The following KLHL24 variants were observed in gnomAD, a reference collection of about 807,000 sequenced individuals.
KLHL24 encodes kelch-like protein 24.
Under a neutral mutation model 53.4 loss-of-function variants are expected in KLHL24, and 29 were observed. That is an observed-to-expected ratio of 0.54 (90% CI 0.40 to 0.74). The LOEUF is 0.74. Ranked by LOEUF, KLHL24 falls within the 30% of genes least tolerant of loss-of-function variation. The pLI is 0.00. For synonymous variants in KLHL24, 222 were observed against 253.7 expected (o/e 0.88, Z 1.19); for missense variants, 504 against 744.0 (o/e 0.68, Z 3.75).
intron 2 of KLHL24, among the ~76,000 whole-genome samples, chr3:183,647,932 G>A (rs190568779): frequency 2.0e-4 from 30 of 152,236 alleles, no homozygotes; most frequent in Middle Eastern, 3.4e-3. Context: ...CTTGAACCCG[G>A]GAGGCAGAGG....
intron 4 of KLHL24, 44 bp from the exon 5 acceptor site, chr3:183,664,877 A>C: frequency 7.3e-6 from 8 of 1,091,812 alleles, no homozygotes; most frequent in African/African-American, 1.5e-5. Flanking sequence ...GGTGACAGCT[A>C]TATCATGATA....
chr3:183,655,139 C>T (rs1026068201), intron 3 of KLHL24, among the ~76,000 whole-genome samples: 1 of 152,182 alleles, frequency 6.6e-6, no homozygotes, highest in African/African-American at 2.4e-5. Context: ...CCTATATACC[C>T]ACGTGTCTCT....
At chr3:183,660,823 C>G (rs891021799) in intron 3 of KLHL24, among the ~76,000 whole-genome samples, 7 of 151,794 alleles carry the variant, frequency 4.6e-5, no homozygotes, top group Admixed American at 2.0e-4. Context: ...TTTGGGAGGC[C>G]GAGGCGGGTG....
intron 2 of KLHL24, among the ~76,000 whole-genome samples, chr3:183,648,317 C>T (rs570846806): frequency 6.2e-4 from 94 of 152,184 alleles, no homozygotes; most frequent in African/African-American, 2.1e-3. Context: ...TTTGATGTTA[C>T]GTATTTTATT....
chr3:183,644,115 A>ACGGCAAC (rs1553832590), intron 2 of KLHL24: 2 of 130,008 alleles, frequency 1.5e-5, no homozygotes, highest in Non-Finnish European at 3.1e-5. Flanking sequence ...ATCTCGGCTC[A>ACGGCAAC]CTGCAACCTC....
intron 3 of KLHL24, among the ~76,000 whole-genome samples, chr3:183,652,647 T>G (rs1223815815): frequency 5.9e-5 from 9 of 152,236 alleles, no homozygotes; most frequent in African/African-American, 1.9e-4. Context: ...AAATTTTGAC[T>G]ATCATTGTTT....
intron 5 of KLHL24, among the ~76,000 whole-genome samples, chr3:183,669,284 A>G (rs895505040): frequency 5.9e-5 from 9 of 152,102 alleles, no homozygotes; most frequent in African/African-American, 1.9e-4. Context: ...GCCAGGAGGC[A>G]GACATTGCAG....
At chr3:183,638,930 G>C (rs1715830377) in intron 1 of KLHL24, among the ~76,000 whole-genome samples, 1 of 152,260 alleles carries the variant, frequency 6.6e-6, no homozygotes, top group Admixed American at 6.5e-5. Flanking sequence ...GCTGGGTGCG[G>C]TGGCTCACGC....
At chr3:183,657,229 G>A (rs1211080838) in intron 3 of KLHL24, among the ~76,000 whole-genome samples, 1 of 152,150 alleles carries the variant, frequency 6.6e-6, no homozygotes, top group Non-Finnish European at 1.5e-5. Flanking sequence ...AGGAAACAAG[G>A]ATGGCACTAA....
chr3:183,644,988 A>G (rs1211575403), intron 2 of KLHL24, among the ~76,000 whole-genome samples: 2 of 152,242 alleles, frequency 1.3e-5, no homozygotes, highest in Non-Finnish European at 2.9e-5. Flanking sequence ...TAATTGTATC[A>G]CTAGTCAAAG....
chr3:183,639,629 C>CAAAAAAAAA, intron 1 of KLHL24, among the ~76,000 whole-genome samples: 1 of 39,478 alleles, frequency 2.5e-5, no homozygotes, highest in Non-Finnish European at 5.0e-5. Flanking sequence ...GACTCTGTCT[C>CAAAAAAAAA]AAAAAAAAAA....
intron 5 of KLHL24, 118 bp from the exon 6 acceptor site, chr3:183,670,916 C>A: frequency 1.5e-6 from 1 of 687,176 alleles, no homozygotes. Flanking sequence ...AAATATATTG[C>A]AATTATATTT....
rs577145519 is a variant in KLHL24 at position 183,680,280 on chromosome 3, C to G, written c.*994C>G. ...GCACCCTAGCCTGGGCAACAGGTTGCGACACTGTCTCAAGAGAAAAGAAAA... is the reference window on the plus strand; with the variant it reads ...GCACCCTAGCCTGGGCAACAGGTTGGGACACTGTCTCAAGAGAAAAGAAAA... On this transcript the variant is annotated 3_prime_UTR_variant, in exon 8 of 8. Transcript: ENST00000242810. 6.6e-6 allele frequency: 1 copy of G among 152,170 alleles called. No individual in the cohort carries two copies. The highest frequency in any genetic ancestry group is 6.6e-5 in the Admixed American group (1 of 15,266). 9.4% of individuals were successfully genotyped at this position (152,170 alleles called of 1,614,324 possible). A position where few individuals can be genotyped will look rare whatever the true frequency, so the allele number is the denominator to read the frequency against.
chr3:183,642,602 CAA>C (rs377410456), intron 1 of KLHL24, among the ~76,000 whole-genome samples: 3 of 92,976 alleles, frequency 3.2e-5, no homozygotes, highest in Non-Finnish European at 2.5e-5. Flanking sequence ...CCCCTTCCAC[CAA>C]AAAAAAAAAA....
chr3:183,655,258 G>T (rs1576920270), intron 3 of KLHL24, among the ~76,000 whole-genome samples: 1 of 152,308 alleles, frequency 6.6e-6, no homozygotes, highest in Admixed American at 6.5e-5. Context: ...TTGATAATCT[G>T]CCCTGCCAGT....
At chr3:183,653,908 C>T (rs1479170544) in intron 3 of KLHL24, among the ~76,000 whole-genome samples, 2 of 152,146 alleles carry the variant, frequency 1.3e-5, no homozygotes, top group African/African-American at 2.4e-5. Context: ...ATTGCCACAA[C>T]ATGTTGGCAT....
chr3:183,675,965 C>A (rs1335027222), intron 7 of KLHL24, among the ~76,000 whole-genome samples: 1 of 152,086 alleles, frequency 6.6e-6, no homozygotes, highest in Non-Finnish European at 1.5e-5. Flanking sequence ...ACACACATGG[C>A]ACATTTTCTC....
Position 183,678,934 on chromosome 3 carries a change from AACAC to A in KLHL24, c.1603-150_1603-147del. 6 of 312,830 alleles carry A rather than the reference AACAC, an allele frequency of 1.9e-5. 2 individuals carry two copies. Among genetic ancestry groups the A allele is most frequent in the Non-Finnish European group, 2.6e-5 (5 of 195,482 alleles). 19.4% of individuals were successfully genotyped at this position (312,830 alleles called of 1,614,324 possible). A position where few individuals can be genotyped will look rare whatever the true frequency, so the allele number is the denominator to read the frequency against. ...GCAAAGTTGTCCAGCGCTTACACAGAACACAGAGAGCAGAGTTGGGCCAAAGGAC... is the reference window on the plus strand; with the variant it reads ...GCAAAGTTGTCCAGCGCTTACACAGAAGAGAGCAGAGTTGGGCCAAAGGAC... On this transcript the variant is annotated intron_variant, in intron 7 of 7. Transcript: ENST00000242810.
intron 3 of KLHL24, among the ~76,000 whole-genome samples, chr3:183,660,728 C>T (rs1017995924): frequency 1.3e-5 from 2 of 152,012 alleles, no homozygotes; most frequent in African/African-American, 4.8e-5. Context: ...AGGTGGAAAG[C>T]CTTACCACAC....
Sources: allele counts gnomAD v4.1 joint callset (sites outside exome capture counted in the v4.1 genomes callset), GRCh38; gene constraint gnomAD v4.1.1; transcripts MANE v1.5; gene names NCBI Gene and HGNC (gene_info 2026-07-23, HGNC 2026-07-21).